ANTXR1: variants seen among roughly 807,000 people sequenced by gnomAD.
The protein encoded by ANTXR1 is anthrax toxin receptor 1.
Under a neutral mutation model 78.1 loss-of-function variants are expected in ANTXR1, and 19 were observed. That is an observed-to-expected ratio of 0.24 (90% CI 0.17 to 0.36). The LOEUF (loss-of-function observed/expected upper bound fraction) is 0.36, where lower values mean the gene tolerates loss of function less well. Ranked by LOEUF, ANTXR1 falls within the 10% of genes least tolerant of loss-of-function variation. The probability of loss-of-function intolerance (pLI) is 1.00; values close to 1 mark genes in which losing one functional copy is unlikely to be tolerated. For synonymous variants in ANTXR1, 273 were observed against 260.5 expected (o/e 1.05, Z -0.46); for missense variants, 518 against 718.6 (o/e 0.72, Z 3.19).
intron 10 of ANTXR1, among the ~76,000 whole-genome samples, chr2:69,110,394 A>G (rs1488295494): frequency 6.6e-6 from 1 of 152,218 alleles, no homozygotes; most frequent in East Asian, 1.9e-4. Flanking sequence ...AATGAGGGAG[A>G]GAGGGAAAAG....
intron 14 of ANTXR1, among the ~76,000 whole-genome samples, chr2:69,173,390 A>G (rs532904135): frequency 8.5e-5 from 13 of 152,324 alleles, no homozygotes; most frequent in African/African-American, 2.6e-4. Flanking sequence ...AGGGGAAAAT[A>G]CTTGGTCCAG....
intron 12 of ANTXR1, chr2:69,145,477 T>G: frequency 6.6e-7 from 1 of 1,519,086 alleles, no homozygotes; most frequent in Non-Finnish European, 8.8e-7. Flanking sequence ...ACTGAATGAG[T>G]GGAGGGCAGA....
intron 10 of ANTXR1, among the ~76,000 whole-genome samples, chr2:69,116,311 T>C (rs1672143223): frequency 6.6e-6 from 1 of 152,234 alleles, no homozygotes; most frequent in African/African-American, 2.4e-5. Context: ...CCATTCTCTT[T>C]GGAGCTCCAG....
intron 16 of ANTXR1, among the ~76,000 whole-genome samples, chr2:69,191,323 A>G (rs1488786677): frequency 6.6e-6 from 1 of 152,248 alleles, no homozygotes. Flanking sequence ...ACACAATTTT[A>G]TATGTGTATA....
intron 17 of ANTXR1, among the ~76,000 whole-genome samples, chr2:69,209,759 C>G (rs529636443): frequency 6.6e-6 from 1 of 152,270 alleles, no homozygotes; most frequent in Admixed American, 6.5e-5. Flanking sequence ...CAGAGGCCAG[C>G]GGTGATGGGT....
At chr2:69,081,614 C>A (rs530951264) in intron 8 of ANTXR1, among the ~76,000 whole-genome samples, 1 of 152,298 alleles carries the variant, frequency 6.6e-6, no homozygotes, top group East Asian at 1.9e-4. Context: ...AAAATCATAA[C>A]AATGCTGCAA....
chr2:69,116,244 CT>C (rs1306133613), intron 10 of ANTXR1, among the ~76,000 whole-genome samples: 3 of 152,332 alleles, frequency 2.0e-5, no homozygotes, highest in Admixed American at 6.5e-5. Context: ...TAAGACCCCC[CT>C]AACACACATT....
At chr2:69,022,178 G>T (rs1205287660) in intron 1 of ANTXR1, among the ~76,000 whole-genome samples, 2 of 152,070 alleles carry the variant, frequency 1.3e-5, no homozygotes, top group African/African-American at 4.8e-5. Flanking sequence ...CACTGCAGCA[G>T]CAGAGCTCAG....
intron 12 of ANTXR1, among the ~76,000 whole-genome samples, chr2:69,129,441 G>A (rs181247206): frequency 2.2e-4 from 34 of 152,248 alleles, no homozygotes; most frequent in Middle Eastern, 6.8e-3. Context: ...TGGAGAAAGA[G>A]TCCAACAAGC....
intron 14 of ANTXR1, among the ~76,000 whole-genome samples, chr2:69,175,008 C>A (rs969489241): frequency 6.6e-6 from 1 of 152,162 alleles, no homozygotes; most frequent in Non-Finnish European, 1.5e-5. Context: ...AAGCATAGAG[C>A]AGTCTTTCCT....
At position 69,182,091 on chromosome 2, in the gene ANTXR1, G is replaced by A. The variant is rs116552460; in HGVS notation, c.1185+210G>A. The A allele has an allele frequency of 7.1e-4, 420 of 592,432 alleles. 1 individual carries two copies. The highest frequency in any genetic ancestry group is 6.4e-3 in the African/African-American group (346 of 54,110). The allele number at this position is 592,432 out of a possible 1,614,324, so 36.7% of individuals were successfully genotyped here. On this transcript the variant is annotated intron_variant, in intron 15 of 17. Coordinates refer to ENST00000303714, the MANE Select transcript of ANTXR1 (RefSeq NM_032208.3). ...TGGGGATATGGATTGTAAGGCAGAC[G>A]GATGGAGAGATAGGAGGGACAGCCT...
At chr2:69,029,370 T>C (rs999032195) in intron 1 of ANTXR1, among the ~76,000 whole-genome samples, 1 of 150,272 alleles carries the variant, frequency 6.7e-6, no homozygotes, top group African/African-American at 2.4e-5. Flanking sequence ...AGAACACTTA[T>C]AAGAGATACA....
intron 14 of ANTXR1, among the ~76,000 whole-genome samples, chr2:69,173,949 C>G (rs1674054524): frequency 6.6e-6 from 1 of 152,206 alleles, no homozygotes; most frequent in African/African-American, 2.4e-5. Context: ...TTGGCCAGAC[C>G]TGGGCTGGAC....
chr2:69,182,598 C>T lies in ANTXR1; in HGVS notation c.1291C>T (p.Arg431Ter), dbSNP rs1033349429. 1 of 1,614,128 alleles carries T rather than the reference C, an allele frequency of 6.2e-7. No homozygotes were observed. The highest frequency in any genetic ancestry group is 8.5e-7 in the Non-Finnish European group (1 of 1,180,040). ...PEQEYEFPEP[R>*]NLNNNMRRPS... The stretch of plus-strand genomic sequence containing the variant: ...GCAGGAATATGAATTCCCTGAGCCG[C>T]GAAATCTCAACAACAATATGCGTCG... Residue 431 changes from arginine (R) to a stop codon, truncating the protein, a stop_gained, in exon 16 of 18, where the codon CGA becomes TGA. Coordinates refer to ENST00000303714, the MANE Select transcript of ANTXR1 (RefSeq NM_032208.3). LOFTEE classifies it high-confidence loss of function.
intron 8 of ANTXR1, among the ~76,000 whole-genome samples, chr2:69,086,139 T>G (rs1573859070): frequency 6.6e-6 from 1 of 152,194 alleles, no homozygotes; most frequent in Non-Finnish European, 1.5e-5. Flanking sequence ...AATGGCCAAG[T>G]AAATAAAGAT....
intron 17 of ANTXR1, among the ~76,000 whole-genome samples, chr2:69,233,876 T>G (rs1364578570): frequency 1.3e-5 from 2 of 151,854 alleles, no homozygotes; most frequent in African/African-American, 4.8e-5. Flanking sequence ...AATATTTAAA[T>G]ACAAAATAAA....
chr2:69,095,248 C>G (rs1228764178), intron 9 of ANTXR1, among the ~76,000 whole-genome samples: 1 of 151,062 alleles, frequency 6.6e-6, no homozygotes, highest in African/African-American at 2.4e-5. Flanking sequence ...GTTTTCCTTT[C>G]TTCCTCCTTT....
At chr2:69,224,306 CA>C (rs1675390014) in intron 17 of ANTXR1, among the ~76,000 whole-genome samples, 1 of 152,170 alleles carries the variant, frequency 6.6e-6, no homozygotes, top group South Asian at 2.1e-4. Flanking sequence ...CCTTCTGAAA[CA>C]GAAGGTTGAG....
intron 12 of ANTXR1, among the ~76,000 whole-genome samples, chr2:69,125,279 C>T (rs112499611): frequency 4.8e-4 from 73 of 152,280 alleles, no homozygotes; most frequent in African/African-American, 1.7e-3. Context: ...CTGGAGCCTT[C>T]GCATCAAGTA....
Sources: allele counts gnomAD v4.1 joint callset (sites outside exome capture counted in the v4.1 genomes callset), GRCh38; gene constraint gnomAD v4.1.1; transcripts MANE v1.5; gene names NCBI Gene and HGNC (gene_info 2026-07-23, HGNC 2026-07-21).